ADGRE2: variants seen among roughly 807,000 people sequenced by gnomAD.
The protein encoded by ADGRE2 is CD97 antigen.
ADGRE2 carries 83 observed loss-of-function variants against 100.8 expected under a neutral mutation model. The ratio of observed to expected loss-of-function variants is 0.82; its 90% CI spans 0.69 to 0.99. The LOEUF (loss-of-function observed/expected upper bound fraction) is 0.99, where lower values mean the gene tolerates loss of function less well. Among genes scored for constraint, ADGRE2 ranks in the 50% least tolerant of loss-of-function variants. ADGRE2 has a pLI of 0.00. For missense variants in ADGRE2, 814 were observed against 1,035.7 expected (o/e 0.79, Z 2.94); for synonymous variants, 355 against 413.0 (o/e 0.86, Z 1.70).
chr19:14,765,842 C>T, intron 7 of ADGRE2, 38 bp from the exon 8 acceptor site: 1 of 1,612,008 alleles, frequency 6.2e-7, no homozygotes, highest in Non-Finnish European at 8.5e-7. Flanking sequence ...CCTGTCCCAG[C>T]CTGGAGAGGG....
At chr19:14,730,426 T>TC (rs2042660030), downstream of ADGRE2, among the ~76,000 whole-genome samples, 1 of 94,212 alleles carries the variant, frequency 1.1e-5, no homozygotes, top group Non-Finnish European at 2.5e-5. Flanking sequence ...CATCAGTCTG[T>TC]CCTTCCTTCC....
intron 11 of ADGRE2, among the ~76,000 whole-genome samples, chr19:14,757,955 C>T (rs1345291276): frequency 6.6e-6 from 1 of 152,176 alleles, no homozygotes; most frequent in African/African-American, 2.4e-5. Flanking sequence ...AGTCATGTGC[C>T]AACACATCTG....
At chr19:14,736,721 TATAG>T (rs972041638) in intron 20 of ADGRE2, among the ~76,000 whole-genome samples, 3 of 144,546 alleles carry the variant, frequency 2.1e-5, no homozygotes, top group East Asian at 2.0e-4. Flanking sequence ...TTTAGAAATA[TATAG>T]ATATTTAGAA....
intron 10 of ADGRE2, 39 bp downstream of exon 10, chr19:14,765,281 C>A (rs747918303): frequency 1.9e-6 from 3 of 1,612,346 alleles, no homozygotes; most frequent in East Asian, 2.2e-5. Flanking sequence ...ATGCAGCCAC[C>A]TTCCTGCCTC....
Position 14,773,945 on chromosome 19 carries a change from A to G in ADGRE2, c.192T>C (p.Thr64=), listed in dbSNP as rs763886729. 5.0e-6 allele frequency: 8 copies of G among 1,614,024 alleles called. No individual in the cohort carries two copies. The change falls in exon 4 of 21, where the codon ACT becomes ACC. Residue 64 remains threonine, a synonymous_variant. Coordinates refer to ENST00000315576, the MANE Select transcript of ADGRE2 (RefSeq NM_013447.4). ...GCCCTCAAGCCTCTGTACCGTCACA[A>G]GTCTCCATGGGGGTGGTGATGATCT... ...FSEIITTPME[T]CDDINECATL...
At chr19:14,776,669 A>T in intron 2 of ADGRE2, 57 bp downstream of exon 2, 1 of 1,568,122 alleles carries the variant, frequency 6.4e-7, no homozygotes, top group Non-Finnish European at 8.7e-7. Flanking sequence ...GACGCATCCA[A>T]GGGGTCCCGC....
chr19:14,747,047 C>T, intron 16 of ADGRE2, 85 bp from the exon 17 acceptor site: 1 of 1,068,712 alleles, frequency 9.4e-7, no homozygotes, highest in Non-Finnish European at 1.4e-6. Context: ...CTCCTCACCA[C>T]TTCCTCACTT....
In ADGRE2 at chr19:14,772,208, G is replaced by T. The variant is rs910105646; in HGVS notation, c.355+134C>A. ...CTCTGGGCTGGCGAAACAGGTACAT[G>T]CACACCTGTCTCATCTCAGACTCCA... On this transcript the variant is annotated intron_variant, in intron 5 of 20. Transcript: ENST00000315576. 1.7e-5 allele frequency: 22 copies of T among 1,285,272 alleles called. No individual in the cohort carries two copies. The East Asian group carries it at 4.7e-4, about 27-fold the overall frequency. 79.6% of individuals were successfully genotyped at this position (1,285,272 alleles called of 1,614,324 possible).
Position 14,776,922 on chromosome 19 carries a change from G to A in ADGRE2, c.-166C>T. The A allele has an allele frequency of 6.8e-7, 1 of 1,478,912 alleles. No homozygotes were observed. Among genetic ancestry groups the A allele is most frequent in the South Asian group, 1.3e-5 (1 of 75,900 alleles). 91.6% of individuals were successfully genotyped at this position (1,478,912 alleles called of 1,614,324 possible). On this transcript the variant is annotated 5_prime_UTR_variant, in exon 2 of 21. Transcript: ENST00000315576. Reference sequence around the variant, plus strand: ...CCCAGGGCCCTCCCCGGAACTGGCGGTGCAGCTGGAAGCCAGCAGGAAAGC... The same window carrying A: ...CCCAGGGCCCTCCCCGGAACTGGCGATGCAGCTGGAAGCCAGCAGGAAAGC...
chr19:14,744,702 A>G (rs962829332), intron 18 of ADGRE2, among the ~76,000 whole-genome samples: 2 of 151,742 alleles, frequency 1.3e-5, no homozygotes, highest in Non-Finnish European at 2.9e-5. Flanking sequence ...TGATCCGCCT[A>G]CCTCGGCCTC....
chr19:14,778,226 GCT>G (rs1231405321), intron 1 of ADGRE2, 29 bp downstream of exon 1: 2 of 152,196 alleles, frequency 1.3e-5, no homozygotes, highest in Admixed American at 6.5e-5. Context: ...ACATGGCAAA[GCT>G]CTGTTTCTTC....
chr19:14,759,678 A>G (rs2335220), intron 11 of ADGRE2, among the ~76,000 whole-genome samples: 131,825 of 151,232 alleles, frequency 0.87, 57,619 homozygotes, highest in African/African-American at 0.93. Context: ...TGTATTTTTA[A>G]TAGCCAGGGT....
At chr19:14,755,287 A>ACC (rs1219203715) in intron 13 of ADGRE2, among the ~76,000 whole-genome samples, 160 bp from the exon 14 acceptor site, 1 of 102,380 alleles carries the variant, frequency 9.8e-6, no homozygotes, top group Non-Finnish European at 2.0e-5. Flanking sequence ...AAAAAAAAAA[A>ACC]AAAAAAAATA....
At chr19:14,767,716 G>C (rs1438216647) in intron 5 of ADGRE2, among the ~76,000 whole-genome samples, 2 of 152,208 alleles carry the variant, frequency 1.3e-5, no homozygotes, top group African/African-American at 4.8e-5. Context: ...CAAAGGTCAG[G>C]GTGGGATTTT....
At chr19:14,745,791 T>C (rs1471499979) in intron 18 of ADGRE2, among the ~76,000 whole-genome samples, 1 of 152,066 alleles carries the variant, frequency 6.6e-6, no homozygotes, top group African/African-American at 2.4e-5. Context: ...TTCTACTTTC[T>C]GCCTCCACAA....
At chr19:14,761,706 T>C (rs1444897368) in intron 11 of ADGRE2, among the ~76,000 whole-genome samples, 1 of 152,148 alleles carries the variant, frequency 6.6e-6, no homozygotes, top group Non-Finnish European at 1.5e-5. Context: ...CGGCTCCATC[T>C]TCCCATCTCT....
intron 11 of ADGRE2, 113 bp downstream of exon 11, chr19:14,764,320 C>A (rs982056680): frequency 2.2e-6 from 2 of 900,460 alleles, no homozygotes; most frequent in Non-Finnish European, 3.5e-6. Flanking sequence ...TTTAGTTTGT[C>A]GATGAGAGTA....
intron 4 of ADGRE2, among the ~76,000 whole-genome samples, chr19:14,772,878 G>A (rs1039503514): frequency 2.6e-5 from 4 of 151,182 alleles, no homozygotes; most frequent in Non-Finnish European, 4.4e-5. Flanking sequence ...TCAGGAGTTC[G>A]AGACCAGCCT....
At chr19:14,777,184 G>T in intron 1 of ADGRE2, 1 of 747,312 alleles carries the variant, frequency 1.3e-6, no homozygotes, top group Non-Finnish European at 1.6e-6. Flanking sequence ...GGGCCACTTG[G>T]CTCTTCCCTG....
Sources: allele counts gnomAD v4.1 joint callset (sites outside exome capture counted in the v4.1 genomes callset), GRCh38; gene constraint gnomAD v4.1.1; transcripts MANE v1.5; gene names NCBI Gene and HGNC (gene_info 2026-07-23, HGNC 2026-07-21).